CCSER1: variants seen among roughly 807,000 people sequenced by gnomAD.
CCSER1 encodes coiled-coil serine rich protein 1.
A neutral mutation model predicts 82.0 loss-of-function variants in CCSER1; 41 were observed. The observed-to-expected ratio is 0.50, with a 90% CI of 0.39 to 0.65. CCSER1 has a LOEUF of 0.65. Among genes scored for constraint, CCSER1 ranks in the 30% least tolerant of loss-of-function variants. The pLI, the probability that CCSER1 is intolerant of heterozygous loss-of-function variation, is 0.00. For synonymous variants in CCSER1, 414 were observed against 383.9 expected, an observed-to-expected ratio of 1.08 and a Z score of -0.92; for missense variants, 1,119 against 1,064.2, an observed-to-expected ratio of 1.05 and a Z score of -0.72.
chr4:90,906,093 A>C (rs373687296), intron 8 of CCSER1, among the ~76,000 whole-genome samples: 1 of 152,144 alleles, frequency 6.6e-6, no homozygotes, highest in Non-Finnish European at 1.5e-5. Context: ...TACCATTTCT[A>C]TTTGAAAGAT....
chr4:90,151,296 A>AT (rs1339848397), intron 1 of CCSER1, among the ~76,000 whole-genome samples: 4 of 152,094 alleles, frequency 2.6e-5, no homozygotes, highest in Non-Finnish European at 1.5e-5. Flanking sequence ...TTTTAGATTT[A>AT]TTAATGAACA....
At chr4:90,702,766 G>A (rs1738429470) in intron 6 of CCSER1, among the ~76,000 whole-genome samples, 1 of 152,148 alleles carries the variant, frequency 6.6e-6, no homozygotes, top group Admixed American at 6.5e-5. Context: ...GTGTAGAGGT[G>A]TTTATAGTAT....
chr4:90,419,330 T>G (rs990994712), intron 4 of CCSER1, among the ~76,000 whole-genome samples: 24 of 151,934 alleles, frequency 1.6e-4, no homozygotes, highest in African/African-American at 5.8e-4. Flanking sequence ...ATGATAGTAA[T>G]CCTGTCATAC....
chr4:90,586,521 A>G (rs898147074), intron 5 of CCSER1, among the ~76,000 whole-genome samples: 6 of 152,206 alleles, frequency 3.9e-5, no homozygotes, highest in African/African-American at 1.4e-4. Flanking sequence ...TCAAAGGATT[A>G]TTAAAAGTAC....
intron 5 of CCSER1, among the ~76,000 whole-genome samples, chr4:90,537,002 A>T (rs1176752627): frequency 1.3e-5 from 2 of 152,170 alleles, no homozygotes; most frequent in East Asian, 3.9e-4. Flanking sequence ...TGATTATCTC[A>T]TCTTAGTAAA....
At chr4:91,059,594 A>G (rs1743784460) in intron 9 of CCSER1, among the ~76,000 whole-genome samples, 1 of 151,702 alleles carries the variant, frequency 6.6e-6, no homozygotes, top group Non-Finnish European at 1.5e-5. Flanking sequence ...GAGTAAACTT[A>G]GAAGTCAATA....
chr4:90,960,892 G>T (rs1428105604), intron 9 of CCSER1, among the ~76,000 whole-genome samples: 1 of 152,102 alleles, frequency 6.6e-6, no homozygotes, highest in Non-Finnish European at 1.5e-5. Flanking sequence ...TATAAGGAAG[G>T]TACTATTTTT....
intron 6 of CCSER1, among the ~76,000 whole-genome samples, chr4:90,647,272 T>C (rs1403565242): frequency 6.6e-6 from 1 of 152,180 alleles, no homozygotes; most frequent in Non-Finnish European, 1.5e-5. Flanking sequence ...AGCGCTGTGG[T>C]ATTGTTCCTT....
intron 9 of CCSER1, 139 bp from the exon 10 acceptor site, chr4:91,085,811 T>G: frequency 9.8e-6 from 6 of 614,570 alleles, no homozygotes; most frequent in Non-Finnish European, 1.8e-5. Context: ...TACACACCCA[T>G]GAGATAGTCA....
intron 10 of CCSER1, among the ~76,000 whole-genome samples, chr4:91,153,809 A>G (rs1457462707): frequency 1.3e-5 from 2 of 152,020 alleles, no homozygotes; most frequent in South Asian, 4.2e-4. Context: ...TCACCAGCGG[A>G]GGCTGCAGAA....
At chr4:91,556,323 T>A (rs190829218) in intron 10 of CCSER1, among the ~76,000 whole-genome samples, 1 of 150,586 alleles carries the variant, frequency 6.6e-6, no homozygotes, top group African/African-American at 2.5e-5. Context: ...TATTCAAAAC[T>A]GATGGCTCTA....
intron 10 of CCSER1, among the ~76,000 whole-genome samples, chr4:91,440,111 G>T (rs1291028529): frequency 6.6e-6 from 1 of 151,906 alleles, no homozygotes; most frequent in Non-Finnish European, 1.5e-5. Context: ...TGCACCAAGT[G>T]GACCTAATAG....
intron 10 of CCSER1, among the ~76,000 whole-genome samples, chr4:91,286,729 A>G (rs1454116865): frequency 1.3e-5 from 2 of 151,922 alleles, no homozygotes; most frequent in African/African-American, 4.8e-5. Flanking sequence ...TCCAAATTAC[A>G]GAAGCATGTA....
intron 10 of CCSER1, among the ~76,000 whole-genome samples, chr4:91,380,750 A>C (rs1188454303): frequency 6.6e-6 from 1 of 152,154 alleles, no homozygotes; most frequent in Non-Finnish European, 1.5e-5. Flanking sequence ...ATTTACATTT[A>C]AGGCTAATAT....
At chr4:90,389,977 T>C (rs1288508822) in intron 3 of CCSER1, among the ~76,000 whole-genome samples, 1 of 152,212 alleles carries the variant, frequency 6.6e-6, no homozygotes, top group African/African-American at 2.4e-5. Context: ...TTTTAGCACC[T>C]ATTATATGTA....
At chr4:90,156,048 G>A (rs1472334515) in intron 1 of CCSER1, among the ~76,000 whole-genome samples, 1 of 152,156 alleles carries the variant, frequency 6.6e-6, no homozygotes, top group Non-Finnish European at 1.5e-5. Flanking sequence ...CTTTGAATGT[G>A]TCCCAGAGAT....
intron 10 of CCSER1, among the ~76,000 whole-genome samples, chr4:91,555,691 A>C (rs1432519911): frequency 1.3e-5 from 2 of 151,218 alleles, no homozygotes; most frequent in Non-Finnish European, 3.0e-5. Context: ...TATTTGAGAA[A>C]ATTTTTATTC....
chr4:90,557,834 AT>A (rs1366545520), intron 5 of CCSER1, among the ~76,000 whole-genome samples: 3 of 152,146 alleles, frequency 2.0e-5, no homozygotes, highest in Non-Finnish European at 2.9e-5. Flanking sequence ...TTTTAAACGT[AT>A]TTAGTACCAT....
chr4:91,472,856 C>T (rs1757358989), intron 10 of CCSER1, among the ~76,000 whole-genome samples: 1 of 152,194 alleles, frequency 6.6e-6, no homozygotes, highest in African/African-American at 2.4e-5. Flanking sequence ...TTCCTCTGGA[C>T]ACTGTTCTGT....
Sources: allele counts gnomAD v4.1 joint callset (sites outside exome capture counted in the v4.1 genomes callset), GRCh38; gene constraint gnomAD v4.1.1; transcripts MANE v1.5; gene names NCBI Gene and HGNC (gene_info 2026-07-23, HGNC 2026-07-21).